Variants in CTSV observed in about 807,000 individuals in gnomAD.
The protein encoded by CTSV is cathepsin V.
Under a neutral mutation model 35.6 loss-of-function variants are expected in CTSV, and 33 were observed. That is an observed-to-expected ratio of 0.93 (90% CI 0.70 to 1.24). The LOEUF is 1.24. CTSV is among the 50% of genes most tolerant of loss of function. The pLI is 0.00. For missense variants in CTSV, 408 were observed against 413.1 expected (o/e 0.99, Z 0.11); for synonymous variants, 154 against 147.1 (o/e 1.05, Z -0.34).
intron 7 of CTSV, among the ~76,000 whole-genome samples, chr9:97,034,409 T>C (rs936076822): frequency 2.6e-5 from 4 of 152,224 alleles, no homozygotes; most frequent in African/African-American, 7.2e-5. Flanking sequence ...TTCTGCTTAC[T>C]ATTCCTTGTT....
chr9:97,034,302 A>G (rs956820469), intron 7 of CTSV, among the ~76,000 whole-genome samples: 1 of 152,200 alleles, frequency 6.6e-6, no homozygotes, highest in East Asian at 1.9e-4. Flanking sequence ...GTGAAATTCG[A>G]TGACAGGGCA....
At position 97,037,952 on chromosome 9, in the gene CTSV, T is replaced by G. The variant is rs747687738; in HGVS notation, c.92A>C (p.Gln31Pro). Residue 31 changes from glutamine to proline, a missense_variant, in exon 2 of 8, where the codon CAG (glutamine) becomes CCG (proline). By Grantham distance (76) the Gln-to-Pro change is moderately conservative. Transcript: ENST00000259470. ...FDQNLDTKWY[Q>P]WKATHRRLYG... The stretch of plus-strand genomic sequence containing the variant: ...TAATCTTCTGTGTGTTGCCTTCCAC[T>G]GGTACCACTTTGTATCCAAATTTTG... 8 of 1,614,084 alleles carry G rather than the reference T, an allele frequency of 5.0e-6. No individual in the cohort carries two copies. The highest frequency in any genetic ancestry group is 6.8e-6 in the Non-Finnish European group (8 of 1,180,010).
chr9:97,038,773 T>C (rs183544275), intron 1 of CTSV, among the ~76,000 whole-genome samples: 4,114 of 152,158 alleles, frequency 0.027, 89 homozygotes, highest in Non-Finnish European at 0.043. Flanking sequence ...CCGAGAATGT[T>C]TGCGGCGGTG....
chr9:97,031,134 T>G lies in CTSV; in HGVS notation c.*1815A>C, dbSNP rs922091457. The G allele has an allele frequency of 1.3e-5, 2 of 152,226 alleles. No individual in the cohort carries two copies. Among genetic ancestry groups the G allele is most frequent in the African/African-American group, 2.4e-5 (1 of 41,448 alleles). The allele number at this position is 152,226 out of a possible 1,614,324, so 9.4% of individuals were successfully genotyped here. A position where few individuals can be genotyped will look rare whatever the true frequency, so the allele number is the denominator to read the frequency against. On this transcript the variant is annotated 3_prime_UTR_variant, in exon 8 of 8. Transcript: ENST00000259470. The stretch of plus-strand genomic sequence containing the variant: ...AAAAGCCATCACTCTTTCATTCAAT[T>G]TAGTGCCTAGATGTTTCCTTAGAGC...
rs144473828 is a variant in CTSV, at chr9:97,035,709, G to C, written c.622-16C>G. 4.0e-3 allele frequency: 5,798 copies of C among 1,451,096 alleles called. 64 individuals carry two copies. Among genetic ancestry groups the C allele is most frequent in the African/African-American group, 0.021 (1,456 of 69,518 alleles). The allele number at this position is 1,451,096 out of a possible 1,614,324, so 89.9% of individuals were successfully genotyped here. On this transcript the variant is annotated splice_polypyrimidine_tract_variant and intron_variant, in intron 5 of 7. Transcript: ENST00000259470. ...AGATTTCATCCTTTTAAAGTTAAAG[G>C]GGGAGAGACTTGATCACTACCATCT...
At chr9:97,038,092 T>C in intron 1 of CTSV, 39 bp from the exon 2 acceptor site, 2 of 1,582,398 alleles carry the variant, frequency 1.3e-6, no homozygotes, top group Non-Finnish European at 1.7e-6. Flanking sequence ...ATTAGACCAA[T>C]CCTAAAAAGC....
Position 97,029,836 on chromosome 9 carries a change from A to T in CTSV, c.*3113T>A, listed in dbSNP as rs1231657144. 2 of 152,212 alleles carry T rather than the reference A, an allele frequency of 1.3e-5. No homozygotes were observed. The highest frequency in any genetic ancestry group is 2.9e-5 in the Non-Finnish European group (2 of 68,048). The allele number at this position is 152,212 out of a possible 1,614,324, so 9.4% of individuals were successfully genotyped here. A position where few individuals can be genotyped will look rare whatever the true frequency, so the allele number is the denominator to read the frequency against. On this transcript the variant is annotated 3_prime_UTR_variant, in exon 8 of 8. Coordinates refer to ENST00000259470, the MANE Select transcript of CTSV (RefSeq NM_001333.4). ...ATGATAGTGGTCCCATAAAATTATG[A>T]TCCTATATTTTTACTGTACTTTTCT...
chr9:97,033,082 G>A (rs1828783017), intron 7 of CTSV, 34 bp from the exon 8 acceptor site: 2 of 1,448,128 alleles, frequency 1.4e-6, no homozygotes, highest in Non-Finnish European at 1.9e-6. Context: ...TTTTATACAA[G>A]GAATCAAGGG....
At position 97,036,269 on chromosome 9, in the gene CTSV, C is replaced by T. The variant is rs946033948; in HGVS notation, c.621+254G>A. 1.7e-5 allele frequency: 8 copies of T among 478,598 alleles called. No homozygotes were observed. In the East Asian group the frequency reaches 3.2e-4, roughly 19 times the overall value. 29.6% of individuals were successfully genotyped at this position (478,598 alleles called of 1,614,324 possible). On this transcript the variant is annotated intron_variant, in intron 5 of 7. Transcript: ENST00000259470. ...TGTATTTTTAGTAGAGACGGGGTTTCACTGTGTTAGCCAGGATTGTCTTGA... is the reference window on the plus strand; with the variant it reads ...TGTATTTTTAGTAGAGACGGGGTTTTACTGTGTTAGCCAGGATTGTCTTGA...
In CTSV at chr9:97,032,907, G is replaced by T; in HGVS notation, c.*42C>A. On this transcript the variant is annotated 3_prime_UTR_variant, in exon 8 of 8. Coordinates refer to ENST00000259470, the MANE Select transcript of CTSV (RefSeq NM_001333.4). Reference sequence around the variant, plus strand: ...TCAGTTTCAAGATAAAATTTCCCCAGACATGCTGTCCTTAAGTCCTTCCTC... The same window carrying T: ...TCAGTTTCAAGATAAAATTTCCCCATACATGCTGTCCTTAAGTCCTTCCTC... 2 of 1,446,120 alleles carry T rather than the reference G, an allele frequency of 1.4e-6. No individual in the cohort carries two copies. Among genetic ancestry groups the T allele is most frequent in the South Asian group, 1.2e-5 (1 of 80,154 alleles). The allele number at this position is 1,446,120 out of a possible 1,614,324, so 89.6% of individuals were successfully genotyped here.
intron 1 of CTSV, among the ~76,000 whole-genome samples, chr9:97,038,833 C>G (rs1470983417): frequency 6.6e-6 from 1 of 152,150 alleles, no homozygotes; most frequent in African/African-American, 2.4e-5. Flanking sequence ...GCCGCCCGGT[C>G]CGGTCCGGCT....
Position 97,031,370 on chromosome 9 carries a change from C to A in CTSV, c.*1579G>T, listed in dbSNP as rs541141229. 2 of 152,152 alleles carry A rather than the reference C, an allele frequency of 1.3e-5. No individual in the cohort carries two copies. Among genetic ancestry groups the A allele is most frequent in the Admixed American group, 6.5e-5 (1 of 15,278 alleles). 9.4% of individuals were successfully genotyped at this position (152,152 alleles called of 1,614,324 possible). A position where few individuals can be genotyped will look rare whatever the true frequency, so the allele number is the denominator to read the frequency against. On this transcript the variant is annotated 3_prime_UTR_variant, in exon 8 of 8. Transcript: ENST00000259470. ...ATTGCATTCACAATGGATCACCTTT[C>A]GATTAAATTTCACCAGCTCATCCCC... is the stretch of plus-strand genomic sequence containing the variant.
At position 97,037,514 on chromosome 9, in the gene CTSV, G is replaced by A. The variant is rs369767935; in HGVS notation, c.228C>T (p.Ala76=). 1.2e-6 allele frequency: 2 copies of A among 1,614,186 alleles called. No homozygotes were observed. The highest frequency in any genetic ancestry group is 1.7e-6 in the Non-Finnish European group (2 of 1,180,028). ...TCACCATGTCACCAAAAGCATTCAT[G>A]GCCATTGTGAAGCCATGTTTCCCTT... The part of the protein sequence containing the change: ...YSQGKHGFTM[A]MNAFGDMTNE... Residue 76 remains alanine, a synonymous_variant, in exon 3 of 8, where the codon GCC becomes GCT. Transcript: ENST00000259470.
chr9:97,033,617 G>GA (rs1375497056), intron 7 of CTSV, among the ~76,000 whole-genome samples: 2 of 150,318 alleles, frequency 1.3e-5, no homozygotes, highest in Non-Finnish European at 3.0e-5. Context: ...CATCTCAAAA[G>GA]AAAAAAACAA....
intron 2 of CTSV, 37 bp downstream of exon 2, chr9:97,037,881 T>G: frequency 1.2e-6 from 2 of 1,608,216 alleles, no homozygotes; most frequent in Non-Finnish European, 1.7e-6. Flanking sequence ...GACCATTCTC[T>G]CCAGAGTCCC....
rs774981893 is a variant in CTSV at position 97,037,361 on chromosome 9, C to T, written c.287G>A (p.Arg96Gln). The stretch of plus-strand genomic sequence containing the variant: ...TTTCCCCTTCCTGAATTTCTGGTTT[C>T]GAAAGCAACCCATCATCTGCCTGAA... ...EEFRQMMGCF[R>Q]NQKFRKGKVF... Residue 96 changes from arginine (R) to glutamine (Q), a missense_variant, in exon 4 of 8, where the codon CGA (arginine) becomes CAA (glutamine). Physicochemically the swap from Arg to Gln is conservative, Grantham distance 43 (BLOSUM62 1). Transcript: ENST00000259470. 8 of 1,614,100 alleles carry T rather than the reference C, an allele frequency of 5.0e-6. No individual in the cohort carries two copies. Among genetic ancestry groups the T allele is most frequent in the Admixed American group, 1.7e-5 (1 of 60,012 alleles).
At chr9:97,035,463 C>G in intron 6 of CTSV, 65 bp downstream of exon 6, 1 of 1,295,998 alleles carries the variant, frequency 7.7e-7, no homozygotes, top group Non-Finnish European at 1.0e-6. Context: ...GATGTCATAT[C>G]CAAGAATCAA....
intron 2 of CTSV, 140 bp from the exon 3 acceptor site, chr9:97,037,755 A>T (rs559537194): frequency 7.1e-7 from 1 of 1,405,394 alleles, no homozygotes; most frequent in South Asian, 1.3e-5. Context: ...TCTCCAAGCC[A>T]AGACACAATG....
At chr9:97,035,014 G>A (rs190631856) in intron 6 of CTSV, among the ~76,000 whole-genome samples, 171 bp from the exon 7 acceptor site, 1 of 152,134 alleles carries the variant, frequency 6.6e-6, no homozygotes, top group East Asian at 1.9e-4. Context: ...GGCTGATAAA[G>A]GAAAAAAGTC....
Sources: gnomAD v4.1 joint callset for allele counts (sites outside exome capture counted in the v4.1 genomes callset) on GRCh38, gnomAD v4.1.1 for gene constraint, MANE v1.5 for transcripts, NCBI Gene and HGNC (gene_info 2026-07-23, HGNC 2026-07-21) for gene names.